GRHL2: variants seen among roughly 807,000 people sequenced by gnomAD.
GRHL2 encodes the protein grainyhead like transcription factor 2.
GRHL2 carries 21 observed loss-of-function variants against 83.8 expected under a neutral mutation model. The ratio of observed to expected loss-of-function variants is 0.25; its 90% CI spans 0.18 to 0.36. GRHL2 has a LOEUF of 0.36. Among genes scored for constraint, GRHL2 ranks in the 10% least tolerant of loss-of-function variants. The pLI is 1.00. For missense variants in GRHL2, 623 were observed against 781.8 expected (o/e 0.80, Z 2.42); for synonymous variants, 280 against 278.9 (o/e 1.00, Z -0.04).
intron 1 of GRHL2, among the ~76,000 whole-genome samples, chr8:101,517,956 T>C (rs1251815120): frequency 2.0e-5 from 3 of 152,160 alleles, no homozygotes; most frequent in Non-Finnish European, 4.4e-5. Flanking sequence ...AGCACCTCGC[T>C]TATTCCCACT....
chr8:101,529,439 A>AAG (rs1810875696), intron 1 of GRHL2: 1 of 157,300 alleles, frequency 6.4e-6, no homozygotes, highest in African/African-American at 2.4e-5. Flanking sequence ...TCTCAAAAAA[A>AAG]AAAAAAAAGT....
chr8:101,530,541 A>C (rs368099313), intron 1 of GRHL2, among the ~76,000 whole-genome samples: 1 of 152,186 alleles, frequency 6.6e-6, no homozygotes. Context: ...TTTCTGTTAC[A>C]TGAATCATTT....
At chr8:101,653,121 G>T (rs1785243335) in intron 14 of GRHL2, among the ~76,000 whole-genome samples, 1 of 152,158 alleles carries the variant, frequency 6.6e-6, no homozygotes, top group African/African-American at 2.4e-5. Flanking sequence ...CTGCTCCCAA[G>T]AAATGATCTT....
chr8:101,672,451 T>C (rs1814226205), downstream of GRHL2, among the ~76,000 whole-genome samples: 1 of 151,486 alleles, frequency 6.6e-6, no homozygotes, highest in Non-Finnish European at 1.5e-5. Context: ...AGAAAGGGTA[T>C]CAGCAATGGA....
chr8:101,627,171 C>T (rs1327507161), intron 9 of GRHL2, among the ~76,000 whole-genome samples: 1 of 152,006 alleles, frequency 6.6e-6, no homozygotes, highest in Non-Finnish European at 1.5e-5. Context: ...TTTTATTGTG[C>T]TTTGCTTTAT....
chr8:101,646,974 TC>T (rs1813523613), intron 13 of GRHL2, among the ~76,000 whole-genome samples: 1 of 152,118 alleles, frequency 6.6e-6, no homozygotes, highest in Non-Finnish European at 1.5e-5. Context: ...TCAACGCGGC[TC>T]CCTTTAACAC....
chr8:101,545,611 A>G (rs1317585654), intron 2 of GRHL2, among the ~76,000 whole-genome samples: 2 of 152,090 alleles, frequency 1.3e-5, no homozygotes, highest in East Asian at 1.9e-4. Context: ...AATGTTTCAA[A>G]TTGAAAATTT....
At chr8:101,606,946 T>C (rs7829364) in intron 8 of GRHL2, among the ~76,000 whole-genome samples, 28,092 of 152,196 alleles carry the variant, frequency 0.18, 3,121 homozygotes, top group African/African-American at 0.31. Context: ...AGGAGTAAAT[T>C]GGAGAAAACA....
intron 11 of GRHL2, among the ~76,000 whole-genome samples, chr8:101,632,934 A>C (rs1813216589): frequency 6.6e-6 from 1 of 152,216 alleles, no homozygotes; most frequent in Admixed American, 6.5e-5. Flanking sequence ...AACTAACATA[A>C]ATGTCCAATA....
rs1450530282 is a variant in GRHL2 at position 101,558,660 on chromosome 8, C to T, written c.526C>T (p.Arg176Trp). Residue 176 changes from arginine (R) to tryptophan (W), a missense_variant, in exon 4 of 16, where the codon CGG (arginine) becomes TGG (tryptophan). Physicochemically the swap from Arg to Trp is moderately radical, Grantham distance 101. This residue lies in a region of GRHL2 where 239 missense variants were observed against 240.5 expected (regional missense o/e 0.99). Transcript: ENST00000646743. ...CATGGCCCCACCTGTGCACTATCCC[C>T]GGGGAGATGGGGAAGAGCAACGAGT... ...VFMAPPVHYP[R>W]GDGEEQRVVI... 5.6e-6 allele frequency: 9 copies of T among 1,614,018 alleles called. No homozygotes were observed. The highest frequency in any genetic ancestry group is 6.8e-6 in the Non-Finnish European group (8 of 1,180,030).
chr8:101,532,835 TAGAG>T (rs945525843), intron 1 of GRHL2, among the ~76,000 whole-genome samples: 10 of 149,498 alleles, frequency 6.7e-5, no homozygotes, highest in East Asian at 2.0e-4. Context: ...GAGAGAGAGA[TAGAG>T]AGAGAAAGAG....
intron 2 of GRHL2, among the ~76,000 whole-genome samples, chr8:101,551,623 A>AAAAGAAAGAAAG (rs534207443): frequency 6.6e-6 from 1 of 151,216 alleles, no homozygotes; most frequent in African/African-American, 2.4e-5. Context: ...AGAGCAAAAA[A>AAAAGAAAGAAAG]AAAGAAAGAA....
chr8:101,562,855 T>C (rs943705741), intron 4 of GRHL2, among the ~76,000 whole-genome samples: 18 of 152,304 alleles, frequency 1.2e-4, no homozygotes, highest in African/African-American at 3.4e-4. Context: ...TAAAAGACAA[T>C]GGCAGAAGGA....
chr8:101,558,831 C>T lies in GRHL2; in HGVS notation c.678+19C>T, dbSNP rs1440779905. On this transcript the variant is annotated intron_variant, in intron 4 of 15. Transcript: ENST00000646743. ...CACAGAGGTGAGTCCCAGGCTCCAT[C>T]GACGGCCAGAACCCAAACCCAGAGC... 2 of 1,612,722 alleles carry T rather than the reference C, an allele frequency of 1.2e-6. No homozygotes were observed. The highest frequency in any genetic ancestry group is 2.2e-5 in the East Asian group (1 of 44,772).
At chr8:101,529,750 A>G (rs2130076658) in intron 1 of GRHL2, among the ~76,000 whole-genome samples, 1 of 152,212 alleles carries the variant, frequency 6.6e-6, no homozygotes, top group African/African-American at 2.4e-5. Context: ...CAGTTCTCAT[A>G]TTAAAAGTGA....
chr8:101,598,930 T>A, intron 7 of GRHL2, 127 bp from the exon 8 acceptor site: 1 of 700,478 alleles, frequency 1.4e-6, no homozygotes, highest in South Asian at 1.6e-5. Flanking sequence ...AGTCCTTAAC[T>A]GTTAGCATGG....
chr8:101,522,691 C>T (rs1388605088), intron 1 of GRHL2, among the ~76,000 whole-genome samples: 1 of 137,694 alleles, frequency 7.3e-6, no homozygotes, highest in Non-Finnish European at 1.6e-5. Context: ...TACCTCAGGC[C>T]ATTGCCAAGC....
intron 5 of GRHL2, among the ~76,000 whole-genome samples, chr8:101,570,953 C>A (rs1811808796): frequency 6.6e-6 from 1 of 152,214 alleles, no homozygotes; most frequent in Non-Finnish European, 1.5e-5. Context: ...GCCAACACTT[C>A]TTTTTTATTC....
chr8:101,577,328 TG>T, intron 6 of GRHL2, 79 bp from the exon 7 acceptor site: 2 of 866,730 alleles, frequency 2.3e-6, no homozygotes, highest in Non-Finnish European at 3.9e-6. Flanking sequence ...AACACACCTC[TG>T]GTAGAACTTC....
Sources: allele counts gnomAD v4.1 joint callset (sites outside exome capture counted in the v4.1 genomes callset), GRCh38; gene constraint gnomAD v4.1.1; regional missense constraint gnomAD v4.1.1; transcripts MANE v1.5; gene names NCBI Gene and HGNC (gene_info 2026-07-23, HGNC 2026-07-21).